PDE6A: variants seen among roughly 807,000 people sequenced by gnomAD.
The protein encoded by PDE6A is rod cGMP-specific 3',5'-cyclic phosphodiesterase subunit alpha.
In PDE6A, 84 loss-of-function variants were observed where a neutral mutation model predicts 106.3. The observed-to-expected ratio is 0.79, with a 90% CI of 0.66 to 0.95. PDE6A has a LOEUF of 0.95. Ranked by LOEUF, PDE6A falls within the 40% of genes least tolerant of loss-of-function variation. The probability of loss-of-function intolerance (pLI) is 0.00; values close to 1 mark genes in which losing one functional copy is unlikely to be tolerated. For synonymous variants in PDE6A, 394 were observed against 386.6 expected (o/e 1.02, Z -0.23); for missense variants, 1,052 against 1,084.9 (o/e 0.97, Z 0.43).
At chr5:149,864,989 C>A (rs1037093163) in intron 20 of PDE6A, among the ~76,000 whole-genome samples, 6 of 152,182 alleles carry the variant, frequency 3.9e-5, no homozygotes, top group African/African-American at 1.4e-4. Flanking sequence ...CCTGTAATCC[C>A]AGCACTTTGG....
chr5:149,926,023 C>T (rs1342988896), intron 4 of PDE6A, among the ~76,000 whole-genome samples: 1 of 152,098 alleles, frequency 6.6e-6, no homozygotes, highest in East Asian at 1.9e-4. Context: ...GGGCAGATTA[C>T]TTGAGATCAG....
chr5:149,920,004 G>A (rs1753656485), intron 5 of PDE6A, among the ~76,000 whole-genome samples: 1 of 152,094 alleles, frequency 6.6e-6, no homozygotes, highest in African/African-American at 2.4e-5. Flanking sequence ...AAGCGTGAGA[G>A]GGATGTTAGA....
intron 13 of PDE6A, 91 bp downstream of exon 13, chr5:149,895,092 A>G: frequency 1.2e-6 from 1 of 808,722 alleles, no homozygotes; most frequent in Middle Eastern, 2.5e-4. Flanking sequence ...TAAAGAAAGA[A>G]GAACAACGCT....
intron 17 of PDE6A, among the ~76,000 whole-genome samples, chr5:149,872,157 A>G (rs1760583628): frequency 6.6e-6 from 1 of 152,182 alleles, no homozygotes; most frequent in Non-Finnish European, 1.5e-5. Flanking sequence ...ACAGAGCTGA[A>G]TTAGACCTTC....
At chr5:149,937,853 C>G (rs1754228403) in intron 1 of PDE6A, among the ~76,000 whole-genome samples, 1 of 152,200 alleles carries the variant, frequency 6.6e-6, no homozygotes, top group Non-Finnish European at 1.5e-5. Flanking sequence ...CTCATTAACT[C>G]TCACATCAGC....
chr5:149,926,161 G>A (rs941152447), intron 4 of PDE6A, among the ~76,000 whole-genome samples: 1 of 152,134 alleles, frequency 6.6e-6, no homozygotes, highest in African/African-American at 2.4e-5. Context: ...AGAATTGCTT[G>A]AACCTGGGAG....
At chr5:149,878,556 A>G (rs1183587093) in intron 17 of PDE6A, among the ~76,000 whole-genome samples, 2 of 152,218 alleles carry the variant, frequency 1.3e-5, no homozygotes, top group African/African-American at 2.4e-5. Flanking sequence ...GCTGAGTCAA[A>G]GGGCATGAGC....
chr5:149,896,685 G>GCTC (rs1184400800), intron 11 of PDE6A, 26 bp downstream of exon 11: 2 of 1,613,924 alleles, frequency 1.2e-6, no homozygotes, highest in African/African-American at 1.3e-5. Flanking sequence ...ATACATCGGG[G>GCTC]CTCGTGCTGC....
intron 6 of PDE6A, among the ~76,000 whole-genome samples, chr5:149,907,842 GA>G (rs568210468): frequency 7.6e-4 from 115 of 152,034 alleles, no homozygotes; most frequent in Non-Finnish European, 1.2e-3. Context: ...TTTGTTGTGA[GA>G]AAAAAACACA....
intron 13 of PDE6A, among the ~76,000 whole-genome samples, chr5:149,892,829 A>C (rs1249219122): frequency 6.6e-6 from 1 of 152,238 alleles, no homozygotes; most frequent in Non-Finnish European, 1.5e-5. Flanking sequence ...TTCACTAGAC[A>C]CATCGTAAAA....
Position 149,896,521 on chromosome 5 carries a change from C to T in PDE6A, c.1474-19G>A, listed in dbSNP as rs764307544. On this transcript the variant is annotated intron_variant, in intron 11 of 21. Coordinates refer to ENST00000255266, the MANE Select transcript of PDE6A (RefSeq NM_000440.3). ...CCGCTTGCTGTATAAGGAATAGAGT[C>T]AGGTGATTAGGAAACATGAAGTGTT... 6.2e-7 allele frequency: 1 copy of T among 1,614,096 alleles called. No individual in the cohort carries two copies. Among genetic ancestry groups the T allele is most frequent in the East Asian group, 2.2e-5 (1 of 44,878 alleles).
intron 13 of PDE6A, among the ~76,000 whole-genome samples, chr5:149,887,104 A>T (rs1315302386): frequency 6.6e-6 from 1 of 152,162 alleles, no homozygotes; most frequent in Non-Finnish European, 1.5e-5. Flanking sequence ...ATAAAACATA[A>T]AAGTCTCCGA....
chr5:149,913,381 T>TAAA (rs11343433), intron 6 of PDE6A, among the ~76,000 whole-genome samples: 1 of 137,478 alleles, frequency 7.3e-6, no homozygotes, highest in Non-Finnish European at 1.6e-5. Flanking sequence ...GACTCCATCT[T>TAAA]AAAAAAAAAA....
intron 17 of PDE6A, among the ~76,000 whole-genome samples, chr5:149,878,517 T>C (rs1760820170): frequency 6.6e-6 from 1 of 152,128 alleles, no homozygotes; most frequent in African/African-American, 2.4e-5. Context: ...TGGGAGAATA[T>C]CTGGAGGGGA....
At chr5:149,892,797 A>G (rs775800019) in intron 13 of PDE6A, among the ~76,000 whole-genome samples, 18 of 129,728 alleles carry the variant, frequency 1.4e-4, no homozygotes, top group Non-Finnish European at 3.1e-4. Flanking sequence ...AAATTTATAG[A>G]TAGAGATAAA....
chr5:149,865,126 G>A (rs1169208016), intron 20 of PDE6A, among the ~76,000 whole-genome samples: 1 of 151,882 alleles, frequency 6.6e-6, no homozygotes, highest in Non-Finnish European at 1.5e-5. Context: ...TGAAGTCCCA[G>A]CTGCTTGGGA....
chr5:149,903,697 T>C lies in PDE6A; in HGVS notation c.1066-2A>G. 1 of 1,613,212 alleles carries C rather than the reference T, an allele frequency of 6.2e-7. No individual in the cohort carries two copies. The highest frequency in any genetic ancestry group is 2.2e-5 in the East Asian group (1 of 44,876). ...AGGCGCATTCATGATGTTGCAAATCTGAGAGCAGTGAAGGGGAATAATGAA... is the reference window on the plus strand; with the variant it reads ...AGGCGCATTCATGATGTTGCAAATCCGAGAGCAGTGAAGGGGAATAATGAA... On this transcript the variant is annotated splice_acceptor_variant, in intron 7 of 21. Coordinates refer to ENST00000255266, the MANE Select transcript of PDE6A (RefSeq NM_000440.3). LOFTEE classifies it high-confidence loss of function.
At chr5:149,878,302 CTTT>C (rs199659488) in intron 17 of PDE6A, among the ~76,000 whole-genome samples, 1 of 148,484 alleles carries the variant, frequency 6.7e-6, no homozygotes, top group African/African-American at 2.5e-5. Flanking sequence ...CTGCTCCTGG[CTTT>C]TTTTTTTCTT....
intron 13 of PDE6A, among the ~76,000 whole-genome samples, chr5:149,892,175 G>T (rs1342554504): frequency 6.6e-6 from 1 of 152,052 alleles, no homozygotes; most frequent in Non-Finnish European, 1.5e-5. Context: ...AATCAGCCAG[G>T]CATGGTGGTA....
Sources: gnomAD v4.1 joint callset for allele counts (sites outside exome capture counted in the v4.1 genomes callset) on GRCh38, gnomAD v4.1.1 for gene constraint, MANE v1.5 for transcripts, NCBI Gene and HGNC (gene_info 2026-07-23, HGNC 2026-07-21) for gene names.